The following ZMIZ1 variants were observed in gnomAD, a reference collection of about 807,000 sequenced individuals.
ZMIZ1 encodes the protein zinc finger MIZ domain-containing protein 1.
Under a neutral mutation model 113.9 loss-of-function variants are expected in ZMIZ1, and 17 were observed. The ratio of observed to expected loss-of-function variants is 0.15; its 90% CI spans 0.10 to 0.22. The LOEUF is 0.22. Among genes scored for constraint, ZMIZ1 ranks in the 10% least tolerant of loss-of-function variants. The pLI is 1.00. For synonymous variants in ZMIZ1, 607 were observed against 603.1 expected, an observed-to-expected ratio of 1.01 and a Z score of -0.09; for missense variants, 1,059 against 1,477.8, an observed-to-expected ratio of 0.72 and a Z score of 4.65.
intron 6 of ZMIZ1, among the ~76,000 whole-genome samples, chr10:79,214,640 A>G (rs1374960913): frequency 6.6e-6 from 1 of 152,012 alleles, no homozygotes; most frequent in South Asian, 2.1e-4. Context: ...GCCAAACCCC[A>G]TGGCAGTCTG....
Position 79,201,656 on chromosome 10 carries a change from C to T in ZMIZ1, c.24C>T (p.Ile8=), listed in dbSNP as rs571313869. The change falls in exon 5 of 25, where the codon ATC becomes ATT. Residue 8 remains isoleucine (I), a synonymous_variant. Coordinates refer to ENST00000334512, the MANE Select transcript of ZMIZ1 (RefSeq NM_020338.4). ...GAATGAATTCTATGGACAGGCACAT[C>T]CAGCAGACCAATGACCGACTGCAGT... MNSMDRH[I]QQTNDRLQCI... is the part of the protein sequence containing the mutation. 1.9e-6 allele frequency: 3 copies of T among 1,613,670 alleles called. No homozygotes were observed. The highest frequency in any genetic ancestry group is 4.5e-5 in the East Asian group (2 of 44,864).
chr10:79,245,565 A>G (rs1396469507), intron 7 of ZMIZ1, among the ~76,000 whole-genome samples: 1 of 152,166 alleles, frequency 6.6e-6, no homozygotes, highest in African/African-American at 2.4e-5. Context: ...TCCAGATCTC[A>G]GTCTGCATTG....
chr10:79,297,499 G>T (rs1456918939), intron 13 of ZMIZ1, 114 bp from the exon 14 acceptor site: 13 of 868,258 alleles, frequency 1.5e-5, no homozygotes, highest in Middle Eastern at 4.3e-4. Flanking sequence ...CCCAGCAGTG[G>T]ATGGGCCCCT....
At chr10:79,171,342 G>A (rs1184517864) in intron 4 of ZMIZ1, among the ~76,000 whole-genome samples, 1 of 152,216 alleles carries the variant, frequency 6.6e-6, no homozygotes, top group African/African-American at 2.4e-5. Context: ...GACTGGCCTG[G>A]GCTGTCGCTC....
chr10:79,077,116 G>C (rs775334457), intron 1 of ZMIZ1, among the ~76,000 whole-genome samples: 8 of 152,132 alleles, frequency 5.3e-5, no homozygotes, highest in African/African-American at 7.2e-5. Context: ...GCCTAGGTGA[G>C]AGCACACTAG....
At chr10:79,308,651 A>G (rs1854898672) in intron 23 of ZMIZ1, among the ~76,000 whole-genome samples, 2 of 152,162 alleles carry the variant, frequency 1.3e-5, no homozygotes, top group Non-Finnish European at 2.9e-5. Flanking sequence ...CAAGTCGGAA[A>G]TAGATGCTTT....
At chr10:79,245,122 G>A (rs544264631) in intron 7 of ZMIZ1, among the ~76,000 whole-genome samples, 2 of 152,320 alleles carry the variant, frequency 1.3e-5, no homozygotes, top group Non-Finnish European at 2.9e-5. Flanking sequence ...GGTCTTTACC[G>A]GAAGCGCAGC....
In ZMIZ1 at chr10:79,265,923, C is replaced by A. The variant is rs1437792627; in HGVS notation, c.281-11258C>A. On this transcript the variant is annotated intron_variant, in intron 7 of 24. Transcript: ENST00000334512. ...ACGGAGCAGCCCAACAGGGTGAGCTCTCTGGAGCCCCTTCCATCTGTAATC... is the reference window on the plus strand; with the variant it reads ...ACGGAGCAGCCCAACAGGGTGAGCTATCTGGAGCCCCTTCCATCTGTAATC... 2.0e-5 allele frequency among the ~76,000 whole-genome samples: 3 copies of A among 152,198 alleles called. No homozygotes were observed. The East Asian group carries it at 5.8e-4, about 29-fold the overall frequency.
chr10:79,293,020 A>G (rs1042809844), intron 11 of ZMIZ1, among the ~76,000 whole-genome samples: 4 of 151,692 alleles, frequency 2.6e-5, no homozygotes, highest in Admixed American at 1.3e-4. Context: ...TCCTGCCTCC[A>G]CCCTCATCTA....
At chr10:79,270,099 TC>T (rs1297539575) in intron 7 of ZMIZ1, among the ~76,000 whole-genome samples, 1 of 152,194 alleles carries the variant, frequency 6.6e-6, no homozygotes, top group Non-Finnish European at 1.5e-5. Context: ...ACAGGGCCTG[TC>T]ACTGCCCCTG....
At chr10:79,305,104 G>T (rs549487859) in intron 19 of ZMIZ1, 60 bp from the exon 20 acceptor site, 1 of 1,590,156 alleles carries the variant, frequency 6.3e-7, no homozygotes, top group Non-Finnish European at 8.6e-7. Flanking sequence ...GGTCCCTGAG[G>T]CACATCTAGG....
At chr10:79,234,980 T>C (rs1849532463) in intron 7 of ZMIZ1, among the ~76,000 whole-genome samples, 1 of 152,218 alleles carries the variant, frequency 6.6e-6, no homozygotes, top group South Asian at 2.1e-4. Flanking sequence ...CCTTTCCAGG[T>C]AGCATCTGTC....
At chr10:79,140,534 T>C (rs78805213) in intron 3 of ZMIZ1, among the ~76,000 whole-genome samples, 1,849 of 152,268 alleles carry the variant, frequency 0.012, 38 homozygotes, top group African/African-American at 0.042. Context: ...TGTGTGCCTG[T>C]GAGACCCATC....
chr10:79,298,574 C>A lies in ZMIZ1; in HGVS notation c.1660C>A (p.Pro554Thr). The A allele has an allele frequency of 6.3e-7, 1 of 1,597,012 alleles. No individual in the cohort carries two copies. Among genetic ancestry groups the A allele is most frequent in the South Asian group, 1.1e-5 (1 of 89,140 alleles). The part of the protein sequence containing the change: ...IKPNMSALPP[P>T]PANHNDELRL... ...GCCAAATATGAGCGCTCTGCCACCA[C>A]CCCCAGGTGAGGGCCCTCCCTCCCT... The change falls in exon 15 of 25, where the codon CCC (proline) becomes ACC (threonine). Residue 554 changes from proline to threonine, a missense_variant. Coordinates refer to ENST00000334512, the MANE Select transcript of ZMIZ1 (RefSeq NM_020338.4).
intron 5 of ZMIZ1, among the ~76,000 whole-genome samples, chr10:79,203,600 G>A (rs944847244): frequency 6.6e-6 from 1 of 152,104 alleles, no homozygotes; most frequent in Non-Finnish European, 1.5e-5. Flanking sequence ...CACCACTCCT[G>A]CCGAGACCTG....
chr10:79,160,608 A>G (rs931288169), intron 3 of ZMIZ1, among the ~76,000 whole-genome samples: 20 of 152,246 alleles, frequency 1.3e-4, no homozygotes, highest in African/African-American at 2.4e-5. Context: ...CGAAGCCAAG[A>G]TTTGAAGCAG....
chr10:79,298,585 G>C lies in ZMIZ1; in HGVS notation c.1666+5G>C, dbSNP rs1231023879. On this transcript the variant is annotated splice_donor_5th_base_variant and intron_variant, in intron 15 of 24. Coordinates refer to ENST00000334512, the MANE Select transcript of ZMIZ1 (RefSeq NM_020338.4). ...GCGCTCTGCCACCACCCCCAGGTGA[G>C]GGCCCTCCCTCCCTCTCTTGGCAGC... 6 of 1,592,346 alleles carry C rather than the reference G, an allele frequency of 3.8e-6. No homozygotes were observed. Among genetic ancestry groups the C allele is most frequent in the Non-Finnish European group, 4.3e-6 (5 of 1,172,496 alleles).
intron 7 of ZMIZ1, among the ~76,000 whole-genome samples, chr10:79,263,163 G>A (rs2131911242): frequency 6.6e-6 from 1 of 152,398 alleles, no homozygotes. Context: ...ATGGTGCCAT[G>A]CGCTCCTGAG....
At chr10:79,088,516 G>A (rs1842886306) in intron 1 of ZMIZ1, among the ~76,000 whole-genome samples, 1 of 152,234 alleles carries the variant, frequency 6.6e-6, no homozygotes, top group Non-Finnish European at 1.5e-5. Context: ...GTGCAGGACA[G>A]CATTTTGTCG....
Sources: gnomAD v4.1 joint callset for allele counts (sites outside exome capture counted in the v4.1 genomes callset) on GRCh38, gnomAD v4.1.1 for gene constraint, MANE v1.5 for transcripts, NCBI Gene and HGNC (gene_info 2026-07-23, HGNC 2026-07-21) for gene names.